The following RMST variants were observed in gnomAD, a reference collection of about 807,000 sequenced individuals.
RMST encodes the protein rhabdomyosarcoma 2 associated transcript.
intron 11 of RMST, among the ~76,000 whole-genome samples, chr12:97,557,518 C>G (rs1883791971): frequency 6.6e-6 from 1 of 152,178 alleles, no homozygotes; most frequent in African/African-American, 2.4e-5. Context: ...TTTCAGAACA[C>G]AGAATGGCTT....
chr12:97,491,270 C>T lies in RMST; in HGVS notation n.645-1191C>T, dbSNP rs570448735. Among the ~76,000 whole-genome samples the T allele has an allele frequency of 2.0e-5, 3 of 152,084 alleles. No individual in the cohort carries two copies. In the South Asian group the frequency reaches 6.3e-4, roughly 32 times the overall value. ...GATTAGTGTCGTTTCTATTATTTCA[C>T]AGGGTGGAGTGTGTTTGAATGGATG... On this transcript the variant is annotated intron_variant and non_coding_transcript_variant, in intron 5 of 13. Transcript: ENST00000640149.
intron 5 of RMST, among the ~76,000 whole-genome samples, chr12:97,472,256 G>A (rs1416122199): frequency 2.0e-5 from 3 of 152,076 alleles, no homozygotes; most frequent in African/African-American, 7.2e-5. Context: ...CTTTCAAGTG[G>A]TGAGGAAGTC....
intron 11 of RMST, among the ~76,000 whole-genome samples, chr12:97,554,455 G>A (rs184226575): frequency 4.6e-5 from 7 of 152,034 alleles, no homozygotes; most frequent in South Asian, 2.1e-4. Context: ...AAAAATAAAC[G>A]TGGACAATTT....
chr12:97,540,140 C>CT (rs1257495642), intron 11 of RMST, among the ~76,000 whole-genome samples: 4 of 151,648 alleles, frequency 2.6e-5, no homozygotes, highest in African/African-American at 9.7e-5. Flanking sequence ...AAATCTATTT[C>CT]TTTGTTAACC....
intron 5 of RMST, chr12:97,492,001 C>T (rs1300860279): frequency 1.9e-6 from 1 of 528,210 alleles, no homozygotes; most frequent in Admixed American, 1.9e-5. Flanking sequence ...GGAACTTCTC[C>T]CTTGAGAACT....
intron 10 of RMST, among the ~76,000 whole-genome samples, chr12:97,521,985 A>C (rs534730980): frequency 6.6e-6 from 1 of 152,234 alleles, no homozygotes; most frequent in Non-Finnish European, 1.5e-5. Context: ...TGTTTCTTCT[A>C]TTAAAGTGAA....
intron 10 of RMST, among the ~76,000 whole-genome samples, chr12:97,497,936 C>A (rs927578618): frequency 6.6e-6 from 1 of 152,030 alleles, no homozygotes; most frequent in South Asian, 2.1e-4. Flanking sequence ...TTAATAGACC[C>A]CTTGAACAGA....
At chr12:97,501,324 A>C (rs567547080) in intron 10 of RMST, among the ~76,000 whole-genome samples, 81 of 152,362 alleles carry the variant, frequency 5.3e-4, no homozygotes, top group Admixed American at 1.1e-3. Flanking sequence ...GGAATGTCTT[A>C]ACAATATACC....
At chr12:97,492,574 G>C (rs1876958616) in exon 6 of RMST, 1 of 152,616 alleles carries the variant, frequency 6.6e-6, no homozygotes, top group African/African-American at 2.4e-5. Flanking sequence ...AGTCTGCTTA[G>C]GGTGAAACAA....
chr12:97,527,054 C>T (rs557480122), intron 10 of RMST, among the ~76,000 whole-genome samples: 2 of 152,210 alleles, frequency 1.3e-5, no homozygotes, highest in South Asian at 2.1e-4. Flanking sequence ...TTGTGACTCA[C>T]GACAGAGAAG....
At chr12:97,492,982 G>A (rs866009808) in intron 6 of RMST, 1 of 152,116 alleles carries the variant, frequency 6.6e-6, no homozygotes, top group Non-Finnish European at 1.5e-5. Context: ...ACCTAAGAAA[G>A]TTATGTTCAA....
chr12:97,467,524 C>T (rs1254973788), intron 5 of RMST, among the ~76,000 whole-genome samples: 2 of 151,920 alleles, frequency 1.3e-5, no homozygotes, highest in African/African-American at 4.8e-5. Context: ...TGAATTAACA[C>T]ACCATTAGTG....
chr12:97,505,032 C>T (rs1375298655), intron 10 of RMST, among the ~76,000 whole-genome samples: 1 of 152,154 alleles, frequency 6.6e-6, no homozygotes. Context: ...TTTTATTTCA[C>T]TTTGCTAGTC....
At chr12:97,511,145 T>G (rs1212177489) in intron 10 of RMST, among the ~76,000 whole-genome samples, 1 of 147,268 alleles carries the variant, frequency 6.8e-6, no homozygotes, top group African/African-American at 2.7e-5. Flanking sequence ...AAATTGTACT[T>G]CCTTCTTTTT....
intron 10 of RMST, among the ~76,000 whole-genome samples, chr12:97,518,453 T>C (rs985664996): frequency 6.6e-6 from 1 of 152,296 alleles, no homozygotes; most frequent in South Asian, 2.1e-4. Flanking sequence ...CCCAAAATGC[T>C]TTAAAGGTTT....
chr12:97,558,838 A>G (rs1447827081), intron 11 of RMST, among the ~76,000 whole-genome samples: 1 of 152,196 alleles, frequency 6.6e-6, no homozygotes, highest in East Asian at 1.9e-4. Flanking sequence ...TACTGAGGCC[A>G]GCAACCTGAT....
intron 5 of RMST, among the ~76,000 whole-genome samples, chr12:97,469,225 A>G (rs1408388425): frequency 6.8e-6 from 1 of 146,174 alleles, no homozygotes; most frequent in Non-Finnish European, 1.5e-5. Context: ...ATAATTGTAT[A>G]CAATATATAT....
At chr12:97,508,261 A>G (rs908315310) in intron 10 of RMST, among the ~76,000 whole-genome samples, 2 of 152,170 alleles carry the variant, frequency 1.3e-5, no homozygotes, top group Non-Finnish European at 2.9e-5. Context: ...AGCACATTAG[A>G]AGGGAAAGAT....
chr12:97,541,009 G>GGT (rs201254814), intron 11 of RMST, among the ~76,000 whole-genome samples: 56 of 145,888 alleles, frequency 3.8e-4, no homozygotes, highest in African/African-American at 1.3e-3. Context: ...TTTTGTCCCA[G>GGT]GTGTATATAT....
Sources: allele counts gnomAD v4.1 joint callset (sites outside exome capture counted in the v4.1 genomes callset), GRCh38; gene constraint gnomAD v4.1.1; transcripts MANE v1.5; gene names NCBI Gene and HGNC (gene_info 2026-07-23, HGNC 2026-07-21).